Variants in ADAMTS19 observed in about 807,000 individuals in gnomAD.
The protein encoded by ADAMTS19 is A disintegrin and metalloproteinase with thrombospondin motifs 19.
In ADAMTS19, 93 loss-of-function variants were observed where a neutral mutation model predicts 153.3. That is an observed-to-expected ratio of 0.61 (90% confidence interval 0.51 to 0.72). The LOEUF (loss-of-function observed/expected upper bound fraction) is 0.72, where lower values mean the gene tolerates loss of function less well. Ranked by LOEUF, ADAMTS19 falls within the 30% of genes least tolerant of loss-of-function variation. The pLI is 0.00. For missense variants in ADAMTS19, 1,482 were observed against 1,552.1 expected, an observed-to-expected ratio of 0.95 and a Z score of 0.76; for synonymous variants, 600 against 556.6, an observed-to-expected ratio of 1.08 and a Z score of -1.10.
intron 2 of ADAMTS19, among the ~76,000 whole-genome samples, chr5:129,465,412 C>A (rs1749823066): frequency 6.8e-6 from 1 of 146,970 alleles, no homozygotes; most frequent in South Asian, 2.1e-4. Flanking sequence ...ATTGACATGG[C>A]AGACTACTTA....
rs976714846 is a variant in ADAMTS19 at position 129,738,322 on chromosome 5, G to A, written c.*1104G>A. 3.3e-5 allele frequency: 5 copies of A among 151,968 alleles called. No homozygotes were observed. Among genetic ancestry groups the A allele is most frequent in the African/African-American group, 1.2e-4 (5 of 41,394 alleles). 9.4% of individuals were successfully genotyped at this position (151,968 alleles called of 1,614,324 possible). On this transcript the variant is annotated 3_prime_UTR_variant, in exon 23 of 23. Coordinates refer to ENST00000274487, the MANE Select transcript of ADAMTS19 (RefSeq NM_133638.6). ...TTTCTTAGATTTTTCAATAAAATAT[G>A]TAAAACTTCCCACTGAGAGACAATT...
chr5:129,552,337 C>T (rs1188967418), intron 7 of ADAMTS19, among the ~76,000 whole-genome samples: 2 of 151,814 alleles, frequency 1.3e-5, no homozygotes, highest in Non-Finnish European at 2.9e-5. Context: ...TATGATTCTT[C>T]TTACATGAAG....
At chr5:129,697,058 T>C (rs1025769550) in intron 19 of ADAMTS19, among the ~76,000 whole-genome samples, 3 of 152,178 alleles carry the variant, frequency 2.0e-5, no homozygotes, top group Non-Finnish European at 4.4e-5. Flanking sequence ...TTTCAAAGTA[T>C]GTCAAATTAT....
At chr5:129,687,034 A>G (rs1278555115) in intron 18 of ADAMTS19, among the ~76,000 whole-genome samples, 1 of 151,948 alleles carries the variant, frequency 6.6e-6, no homozygotes. Context: ...CTCATCCTAC[A>G]CTGATGCCAG....
intron 19 of ADAMTS19, among the ~76,000 whole-genome samples, chr5:129,697,432 T>G (rs879943703): frequency 3.3e-5 from 5 of 152,210 alleles, no homozygotes; most frequent in Non-Finnish European, 5.9e-5. Flanking sequence ...GCATTCCTGC[T>G]CTAACAGTCC....
At chr5:129,576,736 G>A (rs1754117847) in intron 7 of ADAMTS19, among the ~76,000 whole-genome samples, 1 of 151,948 alleles carries the variant, frequency 6.6e-6, no homozygotes, top group African/African-American at 2.4e-5. Context: ...TTTGATCTTT[G>A]CAGTAAATTC....
At chr5:129,735,757 T>C (rs1168692180) in intron 22 of ADAMTS19, among the ~76,000 whole-genome samples, 1 of 152,006 alleles carries the variant, frequency 6.6e-6, no homozygotes, top group Non-Finnish European at 1.5e-5. Context: ...AGACTACATA[T>C]TTTAAGTAGA....
rs141470213 is a variant in ADAMTS19 at position 129,726,219 on chromosome 5, G to A, written c.3313-8713G>A. ...CTCGTACATGGAGTAGATTCATGAG[G>A]TGCTTTGTTTCAAAGGTCTTTTGGG... On this transcript the variant is annotated intron_variant, in intron 21 of 22. Coordinates refer to ENST00000274487, the MANE Select transcript of ADAMTS19 (RefSeq NM_133638.6). 3.3e-5 allele frequency among the ~76,000 whole-genome samples: 5 copies of A among 152,208 alleles called. No homozygotes were observed. The East Asian group carries it at 5.8e-4, about 18-fold the overall frequency.
chr5:129,545,374 A>C (rs576800132), intron 6 of ADAMTS19, among the ~76,000 whole-genome samples: 8 of 152,168 alleles, frequency 5.3e-5, no homozygotes, highest in African/African-American at 1.7e-4. Context: ...GGCTACATAG[A>C]GTGGTTAAGA....
chr5:129,540,364 G>C (rs1429683589), intron 6 of ADAMTS19, among the ~76,000 whole-genome samples: 1 of 152,026 alleles, frequency 6.6e-6, no homozygotes, highest in Non-Finnish European at 1.5e-5. Flanking sequence ...ACCTAGTTAT[G>C]CTTCTGGGTT....
chr5:129,689,272 C>T (rs375501924), intron 18 of ADAMTS19, among the ~76,000 whole-genome samples: 1 of 152,146 alleles, frequency 6.6e-6, no homozygotes, highest in African/African-American at 2.4e-5. Context: ...ACACTGCTTC[C>T]CTTGTCCATA....
chr5:129,572,222 T>A (rs1240858031), intron 7 of ADAMTS19, among the ~76,000 whole-genome samples: 2 of 151,908 alleles, frequency 1.3e-5, no homozygotes, highest in African/African-American at 4.8e-5. Context: ...GAGAAAAGAT[T>A]TGCAAGTTGC....
chr5:129,572,192 A>AAATACAAGT (rs1753935088), intron 7 of ADAMTS19, among the ~76,000 whole-genome samples: 1 of 151,948 alleles, frequency 6.6e-6, no homozygotes, highest in South Asian at 2.1e-4. Flanking sequence ...TAAGGGATTA[A>AAATACAAGT]AATACAAGTA....
chr5:129,565,927 G>A (rs1753690578), intron 7 of ADAMTS19, among the ~76,000 whole-genome samples: 1 of 151,920 alleles, frequency 6.6e-6, no homozygotes, highest in Admixed American at 6.6e-5. Context: ...GGGAAAATTG[G>A]CAAATCTGTT....
chr5:129,468,149 T>A (rs1749935884), intron 2 of ADAMTS19, among the ~76,000 whole-genome samples: 1 of 152,204 alleles, frequency 6.6e-6, no homozygotes, highest in Non-Finnish European at 1.5e-5. Flanking sequence ...AAAAGCTGTT[T>A]TGCCTCTAAT....
intron 19 of ADAMTS19, among the ~76,000 whole-genome samples, chr5:129,698,342 C>T (rs1177903522): frequency 6.6e-6 from 1 of 152,144 alleles, no homozygotes; most frequent in Non-Finnish European, 1.5e-5. Context: ...TCCTTTATTC[C>T]TCCTGTCTTT....
Position 129,612,218 on chromosome 5 carries a change from A to G in ADAMTS19, c.1479-8400A>G, listed in dbSNP as rs563345713. On this transcript the variant is annotated intron_variant, in intron 8 of 22. Transcript: ENST00000274487. ...AATTCCCACCTATGAGTGAGAACAT[A>G]CGGTGTTTGGTTTTTTTGTCCTTGC... 2.9e-4 allele frequency among the ~76,000 whole-genome samples: 42 copies of G among 146,672 alleles called. No homozygotes were observed. The South Asian group carries it at 4.7e-3, about 17-fold the overall frequency.
Position 129,684,251 on chromosome 5 carries a change from T to C in ADAMTS19, c.2796T>C (p.Asp932=). 1.2e-6 allele frequency: 2 copies of C among 1,614,102 alleles called. No homozygotes were observed. The highest frequency in any genetic ancestry group is 1.7e-6 in the Non-Finnish European group (2 of 1,180,012). The change falls in exon 18 of 23, where the codon GAT becomes GAC. Residue 932 remains aspartate (D), a synonymous_variant. Coordinates refer to ENST00000274487, the MANE Select transcript of ADAMTS19 (RefSeq NM_133638.6). ...LFMWTHTSWE[D]CDATCGGGER... is the part of the protein sequence containing the mutation. ...TGTGGACACACACAAGCTGGGAAGA[T>C]TGCGATGCCACTTGTGGAGGAGGTG...
Position 129,694,780 on chromosome 5 carries a change from A to T in ADAMTS19, c.2879A>T (p.Asp960Val). The T allele has an allele frequency of 6.2e-7, 1 of 1,610,898 alleles. No individual in the cohort carries two copies. Among genetic ancestry groups the T allele is most frequent in the Non-Finnish European group, 8.5e-7 (1 of 1,178,326 alleles). ...KIMSKNISIV[D>V]NEKCKYLTKP... ...ATGAGCAAAAATATCAGCATTGTGG[A>T]CAATGAGAAATGCAAATACTTAACC... Residue 960 changes from aspartate (D) to valine (V), a missense_variant, in exon 19 of 23, where the codon GAC becomes GTC. By Grantham distance (152) the Asp-to-Val change is radical. Around this residue, in one of 2 missense-constraint regions of ADAMTS19, gnomAD observed 616 missense variants for 724.4 expected, o/e 0.85. Transcript: ENST00000274487.
Sources: allele counts gnomAD v4.1 joint callset (sites outside exome capture counted in the v4.1 genomes callset), GRCh38; gene constraint gnomAD v4.1.1; regional missense constraint gnomAD v4.1.1; transcripts MANE v1.5; gene names NCBI Gene and HGNC (gene_info 2026-07-23, HGNC 2026-07-21).